The following DGCR2 variants were observed in gnomAD, a reference collection of about 807,000 sequenced individuals.
The protein encoded by DGCR2 is DiGeorge syndrome critical region gene 2.
DGCR2 carries 24 observed loss-of-function variants against 51.6 expected under a neutral mutation model. The observed-to-expected ratio is 0.47, with a 90% CI of 0.34 to 0.65. The LOEUF (loss-of-function observed/expected upper bound fraction) is 0.65. Among genes scored for constraint, DGCR2 ranks in the 30% least tolerant of loss-of-function variants. The pLI, the probability that DGCR2 is intolerant of heterozygous loss-of-function variation, is 0.01. For synonymous variants in DGCR2, 340 were observed against 315.4 expected, an observed-to-expected ratio of 1.08 and a Z score of -0.82; for missense variants, 765 against 772.1, an observed-to-expected ratio of 0.99 and a Z score of 0.11.
intron 5 of DGCR2, among the ~76,000 whole-genome samples, chr22:19,058,044 C>A (rs866864169): frequency 1.3e-5 from 2 of 152,232 alleles, no homozygotes; most frequent in South Asian, 4.1e-4. Flanking sequence ...GTGCTCTCCC[C>A]CTCCTAAGAC....
rs1165827499 is a variant in DGCR2, at chr22:19,076,724, ATTTTTTTTT to A, written c.203-8508_203-8500del. On this transcript the variant is annotated intron_variant, in intron 2 of 9. Coordinates refer to ENST00000263196, the MANE Select transcript of DGCR2 (RefSeq NM_005137.3). ...AAATGTCTACTCAAGTCCTTTGCACATTTTTTTTTTTTTTTTTTTTTTTTGAGATGGAGT... is the reference window on the plus strand; with the variant it reads ...AAATGTCTACTCAAGTCCTTTGCACATTTTTTTTTTTTTTTGAGATGGAGT... Among the ~76,000 whole-genome samples the A allele has an allele frequency of 4.8e-4, 38 of 79,952 alleles. No homozygotes were observed. The East Asian group carries it at 8.6e-3, about 18-fold the overall frequency. The allele number at this position is 79,952 out of a possible 152,430, so 52.5% of individuals were successfully genotyped here.
At chr22:19,121,198 T>C (rs1463033139) in intron 1 of DGCR2, among the ~76,000 whole-genome samples, 3 of 152,228 alleles carry the variant, frequency 2.0e-5, no homozygotes, top group Non-Finnish European at 4.4e-5. Context: ...TTAAGAAATA[T>C]TAAGAGTCAT....
rs60246473 is a variant in DGCR2 at position 19,081,950 on chromosome 22, T to A, written c.202+7418A>T. 2.0e-4 allele frequency among the ~76,000 whole-genome samples: 30 copies of A among 152,322 alleles called. 1 individual carries two copies. In the East Asian group the frequency reaches 3.9e-3, roughly 20 times the overall value. ...CGAAATGCTTTATAGGAGTTCTTTA[T>A]ATACACTGAATTAGAATCCTTATCC... On this transcript the variant is annotated intron_variant, in intron 2 of 9. Transcript: ENST00000263196.
intron 1 of DGCR2, among the ~76,000 whole-genome samples, chr22:19,109,096 T>C (rs2146046605): frequency 6.6e-6 from 1 of 151,872 alleles, no homozygotes; most frequent in South Asian, 2.1e-4. Flanking sequence ...CAATAGGCTA[T>C]CACCTCACCC....
At chr22:19,113,855 T>C (rs2083343868) in intron 1 of DGCR2, among the ~76,000 whole-genome samples, 1 of 152,146 alleles carries the variant, frequency 6.6e-6, no homozygotes, top group Non-Finnish European at 1.5e-5. Flanking sequence ...GGTTGGGAGT[T>C]TGAGACCAGC....
chr22:19,075,165 C>A (rs1383580991), intron 2 of DGCR2, among the ~76,000 whole-genome samples: 1 of 149,930 alleles, frequency 6.7e-6, no homozygotes, highest in African/African-American at 2.5e-5. Flanking sequence ...CAGTGGCTCA[C>A]GCCTGTAATC....
chr22:19,072,697 AC>A (rs564299126), intron 2 of DGCR2, among the ~76,000 whole-genome samples: 152 of 152,144 alleles, frequency 1.0e-3, no homozygotes, highest in African/African-American at 3.6e-3. Flanking sequence ...ACATGGTGAA[AC>A]CCCGTCTCTA....
intron 1 of DGCR2, among the ~76,000 whole-genome samples, chr22:19,105,594 C>T (rs1266589919): frequency 6.6e-6 from 1 of 152,192 alleles, no homozygotes; most frequent in Admixed American, 6.5e-5. Context: ...GCACACTGTA[C>T]TCCGGGGCCC....
At chr22:19,083,750 G>A (rs112351859) in intron 2 of DGCR2, among the ~76,000 whole-genome samples, 3 of 117,788 alleles carry the variant, frequency 2.5e-5, no homozygotes, top group African/African-American at 3.4e-5. Context: ...CTCTTTCCAC[G>A]GTCTCCCTCT....
At chr22:19,119,076 A>G (rs1174551833) in intron 1 of DGCR2, among the ~76,000 whole-genome samples, 1 of 152,188 alleles carries the variant, frequency 6.6e-6, no homozygotes, top group East Asian at 1.9e-4. Flanking sequence ...TCCACATGGA[A>G]AAAGATTCTG....
chr22:19,063,530 T>A (rs1484346544), intron 4 of DGCR2, among the ~76,000 whole-genome samples: 6 of 150,908 alleles, frequency 4.0e-5, no homozygotes, highest in African/African-American at 1.5e-4. Flanking sequence ...TTTTTTTTTT[T>A]AGTAGAGACG....
intron 2 of DGCR2, among the ~76,000 whole-genome samples, chr22:19,075,858 T>C (rs1601239581): frequency 1.3e-5 from 2 of 152,350 alleles, no homozygotes; most frequent in South Asian, 4.1e-4. Flanking sequence ...CTTCCACCTT[T>C]TGGCTACTAT....
At chr22:19,046,726 C>G (rs770352085) in intron 7 of DGCR2, 1 of 434,594 alleles carries the variant, frequency 2.3e-6, no homozygotes, top group South Asian at 1.6e-5. Context: ...GGCCACAGGG[C>G]AGGCAGAGCA....
Position 19,066,971 on chromosome 22 carries a change from G to A in DGCR2, c.328+1129C>T, listed in dbSNP as rs117744112. Among the ~76,000 whole-genome samples the A allele has an allele frequency of 4.7e-3, 717 of 152,334 alleles. 3 individuals carry two copies. The highest frequency in any genetic ancestry group is 6.5e-3 in the Non-Finnish European group (443 of 68,024). On this transcript the variant is annotated intron_variant, in intron 3 of 9. Transcript: ENST00000263196. Reference sequence around the variant, plus strand: ...CACCACACTTGCACTGTGGGGACCCGTTCGGGCTGTGGGCACAGGCCGGAG... The same window carrying A: ...CACCACACTTGCACTGTGGGGACCCATTCGGGCTGTGGGCACAGGCCGGAG...
intron 1 of DGCR2, among the ~76,000 whole-genome samples, chr22:19,118,374 C>CAAAAAAAAAAAAAAAA (rs923572855): frequency 5.3e-5 from 3 of 56,766 alleles, no homozygotes; most frequent in African/African-American, 7.2e-5. Context: ...CCATCGCAAA[C>CAAAAAAAAAAAAAAAA]AAAAAAAAAA....
At chr22:19,100,330 C>T (rs1020373626) in intron 1 of DGCR2, among the ~76,000 whole-genome samples, 2 of 152,158 alleles carry the variant, frequency 1.3e-5, no homozygotes, top group African/African-American at 4.8e-5. Flanking sequence ...CTGTCCCAGG[C>T]CTTCTGGTGA....
intron 2 of DGCR2, among the ~76,000 whole-genome samples, chr22:19,072,438 G>C (rs1293825958): frequency 6.6e-6 from 1 of 152,190 alleles, no homozygotes; most frequent in Non-Finnish European, 1.5e-5. Context: ...CCAAACCTCT[G>C]AGGCAGAGAC....
At chr22:19,052,429 C>CAT (rs1241107496) in intron 6 of DGCR2, among the ~76,000 whole-genome samples, 7 of 151,444 alleles carry the variant, frequency 4.6e-5, no homozygotes, top group African/African-American at 1.7e-4. Flanking sequence ...CACACACACA[C>CAT]ACACACACAC....
intron 2 of DGCR2, among the ~76,000 whole-genome samples, chr22:19,079,933 G>C (rs368853548): frequency 1.3e-5 from 2 of 152,384 alleles, no homozygotes; most frequent in Non-Finnish European, 2.9e-5. Flanking sequence ...CATCATAAGA[G>C]GAAGGTGACC....
Sources: allele counts gnomAD v4.1 joint callset (sites outside exome capture counted in the v4.1 genomes callset), GRCh38; gene constraint gnomAD v4.1.1; transcripts MANE v1.5; gene names NCBI Gene and HGNC (gene_info 2026-07-23, HGNC 2026-07-21).